DNM3: variants seen among roughly 807,000 people sequenced by gnomAD.
DNM3 encodes dynamin-3.
In DNM3, 47 loss-of-function variants were observed where a neutral mutation model predicts 101.6. The observed-to-expected ratio is 0.46, with a 90% confidence interval of 0.37 to 0.59. DNM3 has a LOEUF of 0.59. Among genes scored for constraint, DNM3 ranks in the 20% least tolerant of loss-of-function variants. The pLI is 0.00. For synonymous variants in DNM3, 385 were observed against 387.9 expected (o/e 0.99, Z 0.09); for missense variants, 849 against 1,085.7 (o/e 0.78, Z 3.06).
chr1:172,189,704 C>T (rs1243561183), intron 14 of DNM3, among the ~76,000 whole-genome samples: 1 of 151,966 alleles, frequency 6.6e-6, no homozygotes, highest in Non-Finnish European at 1.5e-5. Context: ...GAGATTTAAT[C>T]AATTCACAGT....
chr1:171,928,786 C>T (rs747560105), intron 2 of DNM3, among the ~76,000 whole-genome samples: 1 of 152,074 alleles, frequency 6.6e-6, no homozygotes, highest in Non-Finnish European at 1.5e-5. Flanking sequence ...GGAGGACCTT[C>T]CCGGTGAGGA....
At chr1:172,289,300 C>T (rs924200822) in intron 15 of DNM3, among the ~76,000 whole-genome samples, 4 of 151,888 alleles carry the variant, frequency 2.6e-5, no homozygotes, top group African/African-American at 9.7e-5. Flanking sequence ...AATTTTTTTC[C>T]AATTTATCCT....
intron 4 of DNM3, among the ~76,000 whole-genome samples, chr1:172,027,847 G>A (rs1371769126): frequency 6.6e-6 from 1 of 152,136 alleles, no homozygotes; most frequent in Non-Finnish European, 1.5e-5. Context: ...TAATGGTAAA[G>A]GGATCAATGC....
chr1:172,253,535 C>T (rs933262324), intron 14 of DNM3, 38 bp from the exon 15 acceptor site: 60 of 947,064 alleles, frequency 6.3e-5, no homozygotes, highest in Non-Finnish European at 8.8e-5. Flanking sequence ...CTCTCCTCTC[C>T]TCTCCTCTCC....
intron 14 of DNM3, among the ~76,000 whole-genome samples, chr1:172,231,943 T>G (rs948246754): frequency 5.3e-5 from 8 of 152,108 alleles, no homozygotes; most frequent in African/African-American, 1.9e-4. Flanking sequence ...TGGGACTATG[T>G]GAAAAGACCA....
At chr1:172,034,113 A>G (rs1195702591) in intron 6 of DNM3, among the ~76,000 whole-genome samples, 1 of 152,174 alleles carries the variant, frequency 6.6e-6, no homozygotes, top group Non-Finnish European at 1.5e-5. Context: ...CTGTCACAAT[A>G]TGTGACATTA....
At chr1:172,329,719 C>T (rs1369972775) in intron 17 of DNM3, among the ~76,000 whole-genome samples, 1 of 151,972 alleles carries the variant, frequency 6.6e-6, no homozygotes, top group Non-Finnish European at 1.5e-5. Context: ...TAAATATTCT[C>T]AAAATAGAAT....
At chr1:172,402,051 G>T (rs537478107) in intron 20 of DNM3, among the ~76,000 whole-genome samples, 1 of 152,142 alleles carries the variant, frequency 6.6e-6, no homozygotes, top group East Asian at 1.9e-4. Flanking sequence ...TTGATCTACC[G>T]CTTGGGACAC....
At chr1:171,912,058 C>A (rs146533452) in intron 1 of DNM3, among the ~76,000 whole-genome samples, 19 of 152,232 alleles carry the variant, frequency 1.2e-4, no homozygotes, top group African/African-American at 4.3e-4. Flanking sequence ...AAGTTTGCAG[C>A]AAAACCCAGC....
At chr1:172,222,976 A>G (rs76916253) in intron 14 of DNM3, among the ~76,000 whole-genome samples, 2 of 152,204 alleles carry the variant, frequency 1.3e-5, no homozygotes, top group South Asian at 2.1e-4. Context: ...TGTATATACT[A>G]TGGGGTGTAA....
intron 14 of DNM3, among the ~76,000 whole-genome samples, chr1:172,183,014 C>T (rs1335746137): frequency 6.6e-6 from 1 of 151,924 alleles, no homozygotes; most frequent in Non-Finnish European, 1.5e-5. Flanking sequence ...AGTTCCTTTA[C>T]CAAGAACTGG....
chr1:171,854,016 A>C (rs934428130), intron 1 of DNM3, among the ~76,000 whole-genome samples: 2 of 152,230 alleles, frequency 1.3e-5, no homozygotes, highest in Non-Finnish European at 2.9e-5. Context: ...TGAGTAGAGC[A>C]TATTTTATGA....
At chr1:172,158,779 G>T (rs1018544801) in intron 14 of DNM3, among the ~76,000 whole-genome samples, 1 of 151,934 alleles carries the variant, frequency 6.6e-6, no homozygotes, top group Non-Finnish European at 1.5e-5. Context: ...GTAAAATAGA[G>T]AAAAAGTTTT....
intron 4 of DNM3, among the ~76,000 whole-genome samples, chr1:171,994,461 A>G (rs2045858440): frequency 6.6e-6 from 1 of 152,150 alleles, no homozygotes; most frequent in African/African-American, 2.4e-5. Context: ...ATTTTGGGGT[A>G]TGGCTTCAAT....
chr1:172,077,557 A>C (rs934200603), intron 11 of DNM3, among the ~76,000 whole-genome samples: 1 of 152,132 alleles, frequency 6.6e-6, no homozygotes, highest in African/African-American at 2.4e-5. Flanking sequence ...TTTCTGCCTT[A>C]ATTTCATTAT....
At chr1:172,318,760 A>C (rs2148901310) in intron 16 of DNM3, among the ~76,000 whole-genome samples, 1 of 152,342 alleles carries the variant, frequency 6.6e-6, no homozygotes, top group Middle Eastern at 3.4e-3. Flanking sequence ...ATGGAAGAAC[A>C]TTCCATGCTC....
At chr1:171,919,567 A>G (rs1022850198) in intron 1 of DNM3, among the ~76,000 whole-genome samples, 1 of 152,162 alleles carries the variant, frequency 6.6e-6, no homozygotes, top group Admixed American at 6.5e-5. Flanking sequence ...CCCTCCCTGC[A>G]TTCATTTTGA....
At chr1:172,135,782 A>G (rs1369751563) in intron 14 of DNM3, among the ~76,000 whole-genome samples, 1 of 152,056 alleles carries the variant, frequency 6.6e-6, no homozygotes, top group Non-Finnish European at 1.5e-5. Flanking sequence ...CTTTTCTTTA[A>G]CTTATGTCTA....
intron 17 of DNM3, among the ~76,000 whole-genome samples, chr1:172,377,037 G>A (rs1039623854): frequency 5.3e-5 from 8 of 151,890 alleles, no homozygotes; most frequent in Non-Finnish European, 7.4e-5. Flanking sequence ...TATTCCTCGA[G>A]GTGAATGTAA....
Sources: gnomAD v4.1 joint callset for allele counts (sites outside exome capture counted in the v4.1 genomes callset) on GRCh38, gnomAD v4.1.1 for gene constraint, MANE v1.5 for transcripts, NCBI Gene and HGNC (gene_info 2026-07-23, HGNC 2026-07-21) for gene names.